ROBO2: variants seen among roughly 807,000 people sequenced by gnomAD.
The protein encoded by ROBO2 is roundabout guidance receptor 2.
Under a neutral mutation model 160.8 loss-of-function variants are expected in ROBO2, and 53 were observed. That is an observed-to-expected ratio of 0.33 (90% CI 0.26 to 0.41). The LOEUF is 0.41. Among genes scored for constraint, ROBO2 ranks in the 10% least tolerant of loss-of-function variants. ROBO2 has a pLI of 1.00. For missense variants in ROBO2, 1,577 were observed against 1,722.4 expected, an observed-to-expected ratio of 0.92 and a Z score of 1.49; for synonymous variants, 664 against 611.7, an observed-to-expected ratio of 1.09 and a Z score of -1.26.
At chr3:76,916,804 A>C (rs771793562) in intron 2 of ROBO2, among the ~76,000 whole-genome samples, 2 of 152,196 alleles carry the variant, frequency 1.3e-5, no homozygotes, top group African/African-American at 2.4e-5. Flanking sequence ...ACTTAAGTTC[A>C]AAAAGAGTGT....
At chr3:77,617,699 G>A in exon 22 of ROBO2, 1 of 1,614,082 alleles carries the variant, frequency 6.2e-7, no homozygotes, top group Non-Finnish European at 8.5e-7. Flanking sequence ...CACGGGAAGA[G>A]ATGCAACCCA....
At chr3:76,638,352 G>A (rs2090452156) in intron 2 of ROBO2, among the ~76,000 whole-genome samples, 1 of 151,900 alleles carries the variant, frequency 6.6e-6, no homozygotes, top group Non-Finnish European at 1.5e-5. Flanking sequence ...ATATTGGAAG[G>A]GCAAAATAAT....
In ROBO2 at chr3:77,316,914, A is replaced by G. The variant is rs566329167; in HGVS notation, c.389-160500A>G. On this transcript the variant is annotated intron_variant, in intron 2 of 25. Coordinates refer to ENST00000461745, the Ensembl canonical transcript of ROBO2. ...TGTTCACTTTAGTGGAGAAGCAGGC[A>G]TGAGGGTCAGTCTGATACTTGGCTG... 524 of 1,196,888 alleles carry G rather than the reference A, an allele frequency of 4.4e-4. 8 individuals are homozygous for G. The South Asian group carries it at 6.0e-3, about 14-fold the overall frequency. The allele number at this position is 1,196,888 out of a possible 1,614,324, so 74.1% of individuals were successfully genotyped here.
At chr3:77,376,882 T>C (rs2072759348) in intron 2 of ROBO2, among the ~76,000 whole-genome samples, 1 of 152,210 alleles carries the variant, frequency 6.6e-6, no homozygotes, top group Non-Finnish European at 1.5e-5. Context: ...ATTGGTATAA[T>C]TCTGACTAGC....
intron 2 of ROBO2, among the ~76,000 whole-genome samples, chr3:77,142,529 T>G (rs887312885): frequency 2.6e-5 from 4 of 152,208 alleles, no homozygotes; most frequent in Non-Finnish European, 5.9e-5. Flanking sequence ...AGCAGTTTTG[T>G]CAGGTGGCTT....
At chr3:76,995,109 C>A (rs2060916817) in intron 2 of ROBO2, among the ~76,000 whole-genome samples, 1 of 35,136 alleles carries the variant, frequency 2.8e-5, no homozygotes, top group African/African-American at 2.0e-4. Flanking sequence ...AGACCCCCCA[C>A]CCCCAACAGG....
intron 2 of ROBO2, among the ~76,000 whole-genome samples, chr3:76,174,635 G>A (rs369163925): frequency 1.4e-3 from 209 of 151,906 alleles, no homozygotes; most frequent in African/African-American, 3.6e-3. Context: ...TTCCCCATTC[G>A]TTGTTTTTCT....
chr3:76,133,762 G>C (rs1464848623), intron 2 of ROBO2, among the ~76,000 whole-genome samples: 1 of 152,142 alleles, frequency 6.6e-6, no homozygotes, highest in African/African-American at 2.4e-5. Context: ...AGTCAGTCTA[G>C]TCCTTCCACC....
At chr3:76,531,328 T>A (rs903394323) in intron 2 of ROBO2, among the ~76,000 whole-genome samples, 2 of 152,180 alleles carry the variant, frequency 1.3e-5, no homozygotes, top group Admixed American at 1.3e-4. Context: ...CTTCACTTCC[T>A]TTAAGAATCT....
At chr3:77,236,729 C>A (rs1276362658) in intron 2 of ROBO2, among the ~76,000 whole-genome samples, 1 of 152,166 alleles carries the variant, frequency 6.6e-6, no homozygotes, top group African/African-American at 2.4e-5. Flanking sequence ...CCCCTGAAAA[C>A]CACTGATCTT....
At position 76,515,220 on chromosome 3, in the gene ROBO2, C is replaced by A. The variant is rs941224370; in HGVS notation, c.109+577618C>A. ...TTTAACCCAATTTTAAAGTGAGTTT[C>A]TTTATATACCTTCTCGCCTTCTTCC... On this transcript the variant is annotated intron_variant, in intron 2 of 26. Coordinates refer to the ROBO2 transcript ENST00000487694. Among the ~76,000 whole-genome samples, 32 of 152,178 alleles carry A rather than the reference C, an allele frequency of 2.1e-4. 1 individual carries two copies. Among genetic ancestry groups the A allele is most frequent in the Admixed American group, 2.0e-3 (31 of 15,264 alleles).
chr3:77,273,526 T>A (rs1248117958), intron 2 of ROBO2, among the ~76,000 whole-genome samples: 2 of 152,038 alleles, frequency 1.3e-5, no homozygotes, highest in African/African-American at 4.8e-5. Flanking sequence ...GTAGATGATG[T>A]ATTGCATAAA....
intron 2 of ROBO2, among the ~76,000 whole-genome samples, chr3:76,036,432 G>C (rs1446941666): frequency 6.6e-6 from 1 of 151,714 alleles, no homozygotes; most frequent in Non-Finnish European, 1.5e-5. Flanking sequence ...TTACAGGCGT[G>C]AGCCAATGCG....
At chr3:76,620,270 G>C (rs941220861) in intron 2 of ROBO2, among the ~76,000 whole-genome samples, 1 of 152,040 alleles carries the variant, frequency 6.6e-6, no homozygotes, top group African/African-American at 2.4e-5. Flanking sequence ...AAACATTAAT[G>C]TACTCTATGA....
At chr3:76,285,588 C>T (rs1708469827) in intron 2 of ROBO2, among the ~76,000 whole-genome samples, 1 of 151,888 alleles carries the variant, frequency 6.6e-6, no homozygotes, top group African/African-American at 2.4e-5. Context: ...ATCGAATGTT[C>T]TTTTACATTA....
intron 2 of ROBO2, among the ~76,000 whole-genome samples, chr3:77,368,880 C>T (rs1223164102): frequency 1.3e-5 from 2 of 152,116 alleles, no homozygotes; most frequent in Non-Finnish European, 2.9e-5. Context: ...TATATGAATA[C>T]ATGCATAGTA....
At chr3:77,114,568 T>A (rs560594297) in intron 2 of ROBO2, among the ~76,000 whole-genome samples, 25 of 152,178 alleles carry the variant, frequency 1.6e-4, no homozygotes, top group Non-Finnish European at 3.2e-4. Context: ...CAGTCCTCGT[T>A]CACCTTGTGA....
chr3:76,434,279 A>G (rs1407896165), intron 2 of ROBO2: 1 of 1,008,452 alleles, frequency 9.9e-7, no homozygotes, highest in Admixed American at 1.7e-5. Context: ...CTCAGTGTCA[A>G]CAGCCAGCAG....
chr3:76,672,584 G>T (rs1473606082), intron 2 of ROBO2, among the ~76,000 whole-genome samples: 1 of 152,094 alleles, frequency 6.6e-6, no homozygotes, highest in African/African-American at 2.4e-5. Flanking sequence ...TACATTTGAG[G>T]GAGGAAGACA....
Sources: gnomAD v4.1 joint callset for allele counts (sites outside exome capture counted in the v4.1 genomes callset) on GRCh38, gnomAD v4.1.1 for gene constraint, MANE v1.5 for transcripts, NCBI Gene and HGNC (gene_info 2026-07-23, HGNC 2026-07-21) for gene names.